Variants in DMD observed in about 807,000 individuals in gnomAD.
The protein encoded by DMD is mutant dystrophin.
A neutral mutation model predicts 330.1 loss-of-function variants in DMD; 63 were observed. The observed-to-expected ratio is 0.19, with a 90% CI of 0.16 to 0.24. DMD has a LOEUF of 0.24. DMD is among the 10% of genes least tolerant of loss of function. The pLI, the probability that DMD is intolerant of heterozygous loss-of-function variation, is 1.00. For missense variants in DMD, 3,344 were observed against 2,684.1 expected (o/e 1.25, Z -5.43); for synonymous variants, 1,223 against 959.8 (o/e 1.27, Z -5.07).
At chrX:33,169,480 A>G (rs1414736600) in intron 1 of DMD, among the ~76,000 whole-genome samples, 1 of 111,458 alleles carries the variant, frequency 9.0e-6, no homozygotes, top group African/African-American at 3.2e-5. Context: ...TGACTTAGAC[A>G]ATCCATATTA....
chrX:31,273,568 C>T (rs2051834990), intron 62 of DMD, among the ~76,000 whole-genome samples: 1 of 111,829 alleles, frequency 8.9e-6, no homozygotes, highest in Admixed American at 9.5e-5. Context: ...AAAAAGTAAA[C>T]AAAGGAATTA....
chrX:31,248,356 G>A (rs2049023433), intron 63 of DMD, among the ~76,000 whole-genome samples: 1 of 111,715 alleles, frequency 9.0e-6, no homozygotes, highest in Non-Finnish European at 1.9e-5. Flanking sequence ...ATAAACACCT[G>A]TAAACGTCGC....
Position 32,849,996 on chromosome X carries a change from A to T in DMD, c.94-176T>A, listed in dbSNP as rs962847398. On this transcript the variant is annotated intron_variant, in intron 2 of 78. Transcript: ENST00000357033. Reference sequence around the variant, plus strand: ...TTCAAATGACAAAAAAAATTTAAAAATTTTATCATAGGTCAAGTCTATTTG... The same window carrying T: ...TTCAAATGACAAAAAAAATTTAAAATTTTTATCATAGGTCAAGTCTATTTG... Among the ~76,000 whole-genome samples, 5 of 112,075 alleles carry T rather than the reference A, an allele frequency of 4.5e-5. No homozygotes were observed. In the Admixed American group the frequency reaches 4.7e-4, roughly 11 times the overall value.
intron 44 of DMD, among the ~76,000 whole-genome samples, chrX:32,169,188 G>C (rs966055650): frequency 2.8e-4 from 31 of 112,062 alleles, no homozygotes; most frequent in African/African-American, 9.7e-4. Context: ...TAAAAGCAGA[G>C]CAGCCTATGG....
intron 43 of DMD, among the ~76,000 whole-genome samples, chrX:32,279,710 T>C (rs901929524): frequency 3.7e-5 from 4 of 108,991 alleles, no homozygotes; most frequent in Non-Finnish European, 7.6e-5. Flanking sequence ...GGTTACTTGG[T>C]ACAAAAAATA....
chrX:32,828,880 GA>G (rs1202460542), intron 4 of DMD, among the ~76,000 whole-genome samples: 3 of 111,077 alleles, frequency 2.7e-5, no homozygotes, highest in Non-Finnish European at 5.7e-5. Flanking sequence ...TTGTGCATTT[GA>G]ATATATTTTT....
chrX:31,434,933 T>C (rs1471077786), intron 60 of DMD, among the ~76,000 whole-genome samples: 1 of 112,033 alleles, frequency 8.9e-6, no homozygotes, highest in African/African-American at 3.2e-5. Context: ...TCTTTTTGTT[T>C]AAAGGGTCGA....
At chrX:32,199,951 G>A (rs1192513467) in intron 44 of DMD, among the ~76,000 whole-genome samples, 4 of 110,498 alleles carry the variant, frequency 3.6e-5, no homozygotes, top group Non-Finnish European at 7.6e-5. Context: ...ACCATGCTTG[G>A]CCAGGAGCAC....
chrX:31,477,281 T>C (rs762830654), intron 59 of DMD, among the ~76,000 whole-genome samples: 132 of 111,062 alleles, frequency 1.2e-3, no homozygotes, highest in African/African-American at 4.2e-3. Flanking sequence ...TAGAAAAATA[T>C]AGGAAGAAGA....
At chrX:31,954,875 A>G (rs974271665) in intron 45 of DMD, among the ~76,000 whole-genome samples, 5 of 110,266 alleles carry the variant, frequency 4.5e-5, no homozygotes, top group African/African-American at 1.7e-4. Flanking sequence ...AATTAAATTT[A>G]AAAAATTCAG....
At chrX:31,577,353 A>G (rs751261576) in intron 55 of DMD, among the ~76,000 whole-genome samples, 5 of 112,360 alleles carry the variant, frequency 4.4e-5, no homozygotes, top group Non-Finnish European at 9.4e-5. Context: ...CCAGATCACT[A>G]TTAATTCCTT....
chrX:31,676,469 G>C (rs953458339), intron 53 of DMD, among the ~76,000 whole-genome samples: 1 of 110,599 alleles, frequency 9.0e-6, no homozygotes, highest in African/African-American at 3.3e-5. Context: ...ATTTTTTTTC[G>C]CAGTATACTA....
At position 31,686,660 on chromosome X, in the gene DMD, T is replaced by C. The variant is rs149982895; in HGVS notation, c.7661-7074A>G. ...AGTAAGCCAAAACTAATCAATGACC[T>C]CTCTTTCCCTAACTTTCTTAAAATA... is the stretch of plus-strand genomic sequence containing the variant. On this transcript the variant is annotated intron_variant, in intron 52 of 78. Transcript: ENST00000357033. 7.1e-3 allele frequency among the ~76,000 whole-genome samples: 796 copies of C among 112,255 alleles called. 7 individuals carry two copies. The highest frequency in any genetic ancestry group is 0.025 in the African/African-American group (763 of 30,998).
intron 29 of DMD, among the ~76,000 whole-genome samples, chrX:32,425,346 T>C (rs972626458): frequency 2.7e-5 from 3 of 111,063 alleles, no homozygotes; most frequent in African/African-American, 9.8e-5. Flanking sequence ...AACCTCCTTG[T>C]ATTATCTCAA....
At position 32,637,760 on chromosome X, in the gene DMD, T is replaced by C. The variant is rs374117386; in HGVS notation, c.1331+6372A>G. Among the ~76,000 whole-genome samples the C allele has an allele frequency of 1.8e-4, 20 of 111,321 alleles. No homozygotes were observed. The East Asian group carries it at 2.0e-3, about 11-fold the overall frequency. On this transcript the variant is annotated intron_variant, in intron 11 of 78. Transcript: ENST00000357033. ...AAAGGCCCCTTATAAAACCATCAGA[T>C]CTTGTGAGAACTCACTCACTATCAT...
intron 1 of DMD, among the ~76,000 whole-genome samples, chrX:33,032,356 T>C (rs891192448): frequency 8.9e-6 from 1 of 112,317 alleles, no homozygotes; most frequent in Admixed American, 9.4e-5. Context: ...TAAATGTTTG[T>C]TCTTATAAGT....
chrX:31,255,042 C>CA (rs200072850), intron 63 of DMD, among the ~76,000 whole-genome samples: 7,647 of 46,558 alleles, frequency 0.16, 358 homozygotes, highest in Non-Finnish European at 0.2. Context: ...AAGATGCTGT[C>CA]AAAAAAAAAA....
At chrX:32,655,047 T>A (rs1330177981) in intron 9 of DMD, among the ~76,000 whole-genome samples, 1 of 111,804 alleles carries the variant, frequency 8.9e-6, no homozygotes, top group Non-Finnish European at 1.9e-5. Flanking sequence ...CTTTTCTTAT[T>A]AGTCTTGCTA....
chrX:32,218,220 C>G (rs1190649787), intron 43 of DMD, among the ~76,000 whole-genome samples: 2 of 111,746 alleles, frequency 1.8e-5, no homozygotes, highest in African/African-American at 6.5e-5. Context: ...CCATTCCAGA[C>G]CAACTTAATC....
Sources: gnomAD v4.1 joint callset for allele counts (sites outside exome capture counted in the v4.1 genomes callset) on GRCh38, gnomAD v4.1.1 for gene constraint, MANE v1.5 for transcripts, NCBI Gene and HGNC (gene_info 2026-07-23, HGNC 2026-07-21) for gene names.